ITPR2: variants seen among roughly 807,000 people sequenced by gnomAD.
ITPR2 encodes inositol 1,4,5-trisphosphate receptor type 2.
In ITPR2, 207 loss-of-function variants were observed where a neutral mutation model predicts 317.1. That is an observed-to-expected ratio of 0.65 (90% CI 0.58 to 0.73). ITPR2 has a LOEUF of 0.73. Among genes scored for constraint, ITPR2 ranks in the 30% least tolerant of loss-of-function variants. The probability of loss-of-function intolerance (pLI) is 0.00; values close to 1 mark genes in which losing one functional copy is unlikely to be tolerated. For missense variants in ITPR2, 2,613 were observed against 3,284.0 expected, an observed-to-expected ratio of 0.80 and a Z score of 4.99; for synonymous variants, 1,156 against 1,149.1, an observed-to-expected ratio of 1.01 and a Z score of -0.12.
intron 34 of ITPR2, among the ~76,000 whole-genome samples, chr12:26,574,923 C>A (rs531771155): frequency 2.0e-5 from 3 of 151,972 alleles, no homozygotes; most frequent in African/African-American, 4.8e-5. Flanking sequence ...TCTGTCCCCA[C>A]GATCCAGCCA....
Position 26,580,018 on chromosome 12 carries a change from T to C in ITPR2, c.4509+9A>G, listed in dbSNP as rs545415881. On this transcript the variant is annotated intron_variant, in intron 33 of 56. Transcript: ENST00000381340. Reference sequence around the variant, plus strand: ...TTGCAACAGAATGCTTTGCAATTGTTTAACTTACCTGGAGGCTGGTACTAT... The same window carrying C: ...TTGCAACAGAATGCTTTGCAATTGTCTAACTTACCTGGAGGCTGGTACTAT... 5 of 1,605,318 alleles carry C rather than the reference T, an allele frequency of 3.1e-6. No individual in the cohort carries two copies. The Admixed American group carries it at 6.8e-5, about 22-fold the overall frequency.
At position 26,790,205 on chromosome 12, in the gene ITPR2, C is replaced by T. The variant is rs1950319383; in HGVS notation, c.115G>A (p.Val39Met). 8.1e-6 allele frequency: 13 copies of T among 1,613,690 alleles called. No homozygotes were observed. Among genetic ancestry groups the T allele is most frequent in the Non-Finnish European group, 1.1e-5 (13 of 1,179,606 alleles). The change falls in exon 2 of 57, where the codon GTG becomes ATG. Residue 39 changes from valine (V) to methionine (M), a missense_variant. By Grantham distance (21) the Val-to-Met change is conservative (BLOSUM62 1). Coordinates refer to ENST00000381340, the MANE Select transcript of ITPR2 (RefSeq NM_002223.4). Reference protein sequence around the residue: ...TLGLVDDRCVVHPEAGDLANP... With the variant: ...TLGLVDDRCVMHPEAGDLANP... ...GCAAGGTCCCCGGCCTCTGGGTGCA[C>T]CACACATCTGTCATCCACTAACCTA...
chr12:26,619,508 C>T (rs191671642), intron 26 of ITPR2, among the ~76,000 whole-genome samples: 17 of 152,236 alleles, frequency 1.1e-4, no homozygotes, highest in Non-Finnish European at 1.9e-4. Flanking sequence ...TGGCCCTGTT[C>T]TGGCCAAAGA....
intron 48 of ITPR2, among the ~76,000 whole-genome samples, chr12:26,429,767 C>G (rs12580719): frequency 0.047 from 7,129 of 152,262 alleles, 239 homozygotes; most frequent in South Asian, 0.17. Context: ...TTATCAACTC[C>G]CCAAGTCATA....
chr12:26,725,357 A>G (rs185545681), intron 3 of ITPR2, among the ~76,000 whole-genome samples: 2 of 152,270 alleles, frequency 1.3e-5, no homozygotes, highest in East Asian at 3.9e-4. Flanking sequence ...GTAAAATATA[A>G]CTGGATTTAA....
intron 37 of ITPR2, among the ~76,000 whole-genome samples, chr12:26,495,973 A>T (rs1942922452): frequency 6.6e-6 from 1 of 152,176 alleles, no homozygotes; most frequent in African/African-American, 2.4e-5. Context: ...CATAATCCAA[A>T]ACTTCCTAAG....
intron 55 of ITPR2, among the ~76,000 whole-genome samples, chr12:26,354,929 G>T (rs1364563536): frequency 6.6e-6 from 1 of 152,178 alleles, no homozygotes; most frequent in African/African-American, 2.4e-5. Flanking sequence ...CTCCCAAAGT[G>T]CTGGGATTAC....
chr12:26,497,311 A>T (rs1178424851), intron 37 of ITPR2, among the ~76,000 whole-genome samples: 4 of 151,516 alleles, frequency 2.6e-5, no homozygotes, highest in African/African-American at 9.7e-5. Context: ...CCGCCACCAC[A>T]CCCAGCTAAT....
intron 22 of ITPR2, among the ~76,000 whole-genome samples, chr12:26,629,885 C>T (rs937791059): frequency 1.3e-5 from 2 of 152,300 alleles, no homozygotes; most frequent in African/African-American, 2.4e-5. Flanking sequence ...GAGGAAGGCA[C>T]TAAGGGCATA....
intron 54 of ITPR2, among the ~76,000 whole-genome samples, chr12:26,388,296 A>T (rs1171268238): frequency 6.6e-6 from 1 of 152,152 alleles, no homozygotes; most frequent in Non-Finnish European, 1.5e-5. Context: ...ATGAAGAAAA[A>T]CATCTATGGA....
At chr12:26,531,862 A>C (rs1943954963) in intron 37 of ITPR2, among the ~76,000 whole-genome samples, 1 of 152,244 alleles carries the variant, frequency 6.6e-6, no homozygotes, top group Non-Finnish European at 1.5e-5. Flanking sequence ...CTGTGAGTCT[A>C]TCTTGAAGTT....
chr12:26,511,876 C>G lies in ITPR2; in HGVS notation c.5074-16616G>C, dbSNP rs564397718. 9.2e-5 allele frequency among the ~76,000 whole-genome samples: 14 copies of G among 152,240 alleles called. No individual in the cohort carries two copies. In the South Asian group the frequency reaches 2.9e-3, roughly 32 times the overall value. Reference sequence around the variant, plus strand: ...TCTGTCCACCATTTTCGCCCTCAGGCCCCATCAGTTTCTTTAGTTCTGTCC... The same window carrying G: ...TCTGTCCACCATTTTCGCCCTCAGGGCCCATCAGTTTCTTTAGTTCTGTCC... On this transcript the variant is annotated intron_variant, in intron 37 of 56. Coordinates refer to ENST00000381340, the MANE Select transcript of ITPR2 (RefSeq NM_002223.4).
chr12:26,809,471 C>T (rs1398905617), intron 1 of ITPR2, among the ~76,000 whole-genome samples: 1 of 152,124 alleles, frequency 6.6e-6, no homozygotes, highest in Non-Finnish European at 1.5e-5. Flanking sequence ...CTCCAGGTAC[C>T]CACTACCTCA....
At chr12:26,451,819 A>G (rs1008055821) in intron 45 of ITPR2, among the ~76,000 whole-genome samples, 2 of 152,192 alleles carry the variant, frequency 1.3e-5, no homozygotes, top group East Asian at 3.8e-4. Flanking sequence ...GAGAGAAAAA[A>G]AGGAAGAAAA....
At chr12:26,691,691 C>T (rs921966781) in intron 10 of ITPR2, among the ~76,000 whole-genome samples, 6 of 152,084 alleles carry the variant, frequency 3.9e-5, no homozygotes, top group African/African-American at 1.2e-4. Flanking sequence ...GCCCCTAGAA[C>T]ACCTTCTCTG....
Position 26,595,598 on chromosome 12 carries a change from A to C in ITPR2, c.4255-8T>G. On this transcript the variant is annotated splice_polypyrimidine_tract_variant and splice_region_variant and intron_variant, in intron 31 of 56. Transcript: ENST00000381340. ...CACATAAGCAATTTTAACCTGTGCA[A>C]GTTTCAAATACAAAAGAAAGTTAGT... 1 of 1,540,518 alleles carries C rather than the reference A, an allele frequency of 6.5e-7. No homozygotes were observed. Among genetic ancestry groups the C allele is most frequent in the Non-Finnish European group, 8.7e-7 (1 of 1,152,560 alleles).
Position 26,336,255 on chromosome 12 carries a change from C to T in ITPR2, c.*3142G>A, listed in dbSNP as rs1365039055. On this transcript the variant is annotated 3_prime_UTR_variant, in exon 57 of 57. Transcript: ENST00000381340. ...CATTCTCAGTCCTGGGGACTGGGGGCTAGTGGCTGAGTGTGGGCTATACTG... is the reference window on the plus strand; with the variant it reads ...CATTCTCAGTCCTGGGGACTGGGGGTTAGTGGCTGAGTGTGGGCTATACTG... Among the ~76,000 whole-genome samples the T allele has an allele frequency of 6.6e-6, 1 of 152,142 alleles. No individual in the cohort carries two copies. The highest frequency in any genetic ancestry group is 1.5e-5 in the Non-Finnish European group (1 of 68,024).
intron 37 of ITPR2, among the ~76,000 whole-genome samples, chr12:26,530,390 G>T (rs1943917016): frequency 6.6e-6 from 1 of 152,176 alleles, no homozygotes; most frequent in African/African-American, 2.4e-5. Context: ...ATTTTGGAAA[G>T]TTCATTGTTT....
chr12:26,665,506 T>C (rs1164714707), intron 14 of ITPR2, among the ~76,000 whole-genome samples: 7 of 152,210 alleles, frequency 4.6e-5, no homozygotes, highest in African/African-American at 1.7e-4. Context: ...ACTTCTAAGA[T>C]TACGTTCTAC....
Sources: gnomAD v4.1 joint callset for allele counts (sites outside exome capture counted in the v4.1 genomes callset) on GRCh38, gnomAD v4.1.1 for gene constraint, MANE v1.5 for transcripts, NCBI Gene and HGNC (gene_info 2026-07-23, HGNC 2026-07-21) for gene names.